ENOX1: variants seen among roughly 807,000 people sequenced by gnomAD.
The protein encoded by ENOX1 is ecto-NOX disulfide-thiol exchanger 1.
In ENOX1, 42 loss-of-function variants were observed where a neutral mutation model predicts 82.5. The observed-to-expected ratio is 0.51, with a 90% CI of 0.40 to 0.66. The LOEUF (loss-of-function observed/expected upper bound fraction) is 0.66. Among genes scored for constraint, ENOX1 ranks in the 30% least tolerant of loss-of-function variants. The pLI is 0.00. For synonymous variants in ENOX1, 271 were observed against 282.2 expected (o/e 0.96, Z 0.40); for missense variants, 608 against 811.6 (o/e 0.75, Z 3.05).
intron 2 of ENOX1, among the ~76,000 whole-genome samples, chr13:43,612,950 A>C (rs2082259367): frequency 6.6e-6 from 1 of 152,214 alleles, no homozygotes; most frequent in African/African-American, 2.4e-5. Context: ...CTGAGTAATA[A>C]AAATGTTCCA....
At chr13:43,407,945 T>A (rs942882368) in intron 5 of ENOX1, among the ~76,000 whole-genome samples, 1 of 152,218 alleles carries the variant, frequency 6.6e-6, no homozygotes, top group African/African-American at 2.4e-5. Context: ...GAGGTAAGTA[T>A]CATCTCACAG....
intron 2 of ENOX1, among the ~76,000 whole-genome samples, chr13:43,611,863 T>C (rs1024335092): frequency 6.6e-6 from 1 of 152,240 alleles, no homozygotes; most frequent in Admixed American, 6.5e-5. Flanking sequence ...CTCTTTTCTA[T>C]GAGTTCACAT....
At chr13:43,381,735 A>C (rs1352870570) in intron 5 of ENOX1, among the ~76,000 whole-genome samples, 1 of 151,988 alleles carries the variant, frequency 6.6e-6, no homozygotes, top group Admixed American at 6.5e-5. Context: ...GGCATATTAC[A>C]AAAATTGTAT....
rs1040226733 is a variant in ENOX1 at position 43,252,909 on chromosome 13, AAG to A, written c.1611+12487_1611+12488del. On this transcript the variant is annotated intron_variant, in intron 14 of 16. Coordinates refer to ENST00000690772, the MANE Select transcript of ENOX1 (RefSeq NM_001347969.2). ...AGGGGGGATCTCCATCAGAGCTGGG[AAG>A]AGTTTTGAGGTTGGAAGGATTAAGA... 3.3e-5 allele frequency among the ~76,000 whole-genome samples: 5 copies of A among 152,282 alleles called. No individual in the cohort carries two copies. In the East Asian group the frequency reaches 7.7e-4, roughly 23 times the overall value.
intron 2 of ENOX1, among the ~76,000 whole-genome samples, chr13:43,603,640 T>G (rs1260484882): frequency 2.1e-5 from 3 of 144,306 alleles, no homozygotes; most frequent in Non-Finnish European, 4.5e-5. Flanking sequence ...ATGCGGTGTT[T>G]GGTTTTTTGT....
In ENOX1 at chr13:43,512,199, C is replaced by T. The variant is rs1328753824; in HGVS notation, c.-218-28047G>A. 3.9e-5 allele frequency among the ~76,000 whole-genome samples: 6 copies of T among 152,058 alleles called. No individual in the cohort carries two copies. In the East Asian group the frequency reaches 5.8e-4, roughly 15 times the overall value. On this transcript the variant is annotated intron_variant, in intron 2 of 16. Coordinates refer to ENST00000690772, the MANE Select transcript of ENOX1 (RefSeq NM_001347969.2). ...ACAAACAATTACATGAGAGTTGTCCCGGAGTCACAGAGCCCAGAAAGCTAA... is the reference window on the plus strand; with the variant it reads ...ACAAACAATTACATGAGAGTTGTCCTGGAGTCACAGAGCCCAGAAAGCTAA...
intron 2 of ENOX1, among the ~76,000 whole-genome samples, chr13:43,663,655 G>A (rs574075531): frequency 5.9e-5 from 9 of 152,072 alleles, no homozygotes; most frequent in South Asian, 2.1e-4. Context: ...TTTGGCACAC[G>A]TCCAAAGGGT....
intron 2 of ENOX1, among the ~76,000 whole-genome samples, chr13:43,540,497 C>T (rs1417699726): frequency 6.6e-6 from 1 of 152,018 alleles, no homozygotes; most frequent in Non-Finnish European, 1.5e-5. Flanking sequence ...CCCAAGATGA[C>T]CCTTTTAAAA....
intron 1 of ENOX1, among the ~76,000 whole-genome samples, chr13:43,729,749 A>T (rs1173129391): frequency 1.3e-5 from 2 of 152,268 alleles, no homozygotes; most frequent in Non-Finnish European, 2.9e-5. Flanking sequence ...GGCTGAAAAC[A>T]ATAATGCCTC....
At chr13:43,441,515 A>G (rs557070991) in intron 3 of ENOX1, among the ~76,000 whole-genome samples, 2 of 152,250 alleles carry the variant, frequency 1.3e-5, no homozygotes, top group African/African-American at 4.8e-5. Context: ...CGATTCTAAA[A>G]CACATTCATT....
intron 13 of ENOX1, among the ~76,000 whole-genome samples, chr13:43,268,231 T>G (rs1169845610): frequency 6.6e-6 from 1 of 152,138 alleles, no homozygotes; most frequent in Non-Finnish European, 1.5e-5. Flanking sequence ...TCTGGTTGAT[T>G]TGGAGCAAAT....
At chr13:43,533,047 C>T (rs1278253475) in intron 2 of ENOX1, among the ~76,000 whole-genome samples, 2 of 152,078 alleles carry the variant, frequency 1.3e-5, no homozygotes, top group Non-Finnish European at 1.5e-5. Context: ...AGCACTTTTA[C>T]AGAAAGCACA....
chr13:43,716,785 C>A (rs2088170169), intron 1 of ENOX1, among the ~76,000 whole-genome samples: 1 of 31,440 alleles, frequency 3.2e-5, no homozygotes. Flanking sequence ...TTTACAATAC[C>A]CACAAAAAAA....
chr13:43,476,506 T>C (rs560939628), intron 3 of ENOX1, among the ~76,000 whole-genome samples: 1 of 152,140 alleles, frequency 6.6e-6, no homozygotes, highest in South Asian at 2.1e-4. Context: ...TGTAAAAGAA[T>C]GTGCAAATGT....
chr13:43,739,042 C>T (rs774696121), intron 1 of ENOX1, among the ~76,000 whole-genome samples: 2 of 152,192 alleles, frequency 1.3e-5, no homozygotes, highest in African/African-American at 2.4e-5. Context: ...TCCTATCTCC[C>T]ATTTCCTCTA....
intron 8 of ENOX1, among the ~76,000 whole-genome samples, chr13:43,348,060 A>C (rs1272947645): frequency 6.6e-6 from 1 of 152,132 alleles, no homozygotes; most frequent in Non-Finnish European, 1.5e-5. Flanking sequence ...CTCTTTGTTA[A>C]ACAGCACGGC....
At chr13:43,751,254 C>T (rs1950297274) in intron 1 of ENOX1, among the ~76,000 whole-genome samples, 1 of 152,218 alleles carries the variant, frequency 6.6e-6, no homozygotes, top group African/African-American at 2.4e-5. Flanking sequence ...AAAGCCTTTA[C>T]CAACTTTCCT....
chr13:43,346,062 A>C (rs569964418), intron 8 of ENOX1, among the ~76,000 whole-genome samples: 1 of 152,174 alleles, frequency 6.6e-6, no homozygotes, highest in Non-Finnish European at 1.5e-5. Flanking sequence ...TTGAGTTCTT[A>C]TTAGTATTTT....
chr13:43,298,647 T>A, intron 11 of ENOX1, 117 bp from the exon 12 acceptor site: 2 of 956,842 alleles, frequency 2.1e-6, no homozygotes, highest in Non-Finnish European at 1.5e-6. Flanking sequence ...AGCTCAGAAA[T>A]AAAAGCAAAA....
Sources: gnomAD v4.1 joint callset for allele counts (sites outside exome capture counted in the v4.1 genomes callset) on GRCh38, gnomAD v4.1.1 for gene constraint, MANE v1.5 for transcripts, NCBI Gene and HGNC (gene_info 2026-07-23, HGNC 2026-07-21) for gene names.